Variants in SMG9 observed in about 807,000 individuals in gnomAD.
SMG9 encodes nonsense-mediated mRNA decay factor SMG9.
A neutral mutation model predicts 64.0 loss-of-function variants in SMG9; 55 were observed. That is an observed-to-expected ratio of 0.86 (90% CI 0.69 to 1.08). The LOEUF is 1.08. Among genes scored for constraint, SMG9 ranks in the 50% least tolerant of loss-of-function variants. The probability of loss-of-function intolerance (pLI) is 0.00; values close to 1 mark genes in which losing one functional copy is unlikely to be tolerated. For missense variants in SMG9, 554 were observed against 681.3 expected (o/e 0.81, Z 2.08); for synonymous variants, 244 against 254.8 (o/e 0.96, Z 0.41).
chr19:43,753,458 CTTTTTT>C (rs745479932), intron 1 of SMG9, among the ~76,000 whole-genome samples: 2 of 118,622 alleles, frequency 1.7e-5, no homozygotes, highest in Non-Finnish European at 3.6e-5. Flanking sequence ...GAATGCTTTT[CTTTTTT>C]TTTTTTTTTT....
At position 43,731,238 on chromosome 19, in the gene SMG9, T is replaced by C. The variant is rs1452656847; in HGVS notation, c.*358A>G. On this transcript the variant is annotated 3_prime_UTR_variant, in exon 14 of 14. Transcript: ENST00000270066. ...CTGCCTCACCTTACAGGGAAGGGCT[T>C]AGAGTCAGGGAAGAGGGGCCTGTTG... 2 of 1,080,618 alleles carry C rather than the reference T, an allele frequency of 1.9e-6. No homozygotes were observed. Among genetic ancestry groups the C allele is most frequent in the African/African-American group, 1.7e-5 (1 of 60,182 alleles). The allele number at this position is 1,080,618 out of a possible 1,614,324, so 66.9% of individuals were successfully genotyped here.
At chr19:43,732,734 G>T in intron 13 of SMG9, 124 bp downstream of exon 13, 1 of 1,221,570 alleles carries the variant, frequency 8.2e-7, no homozygotes, top group Non-Finnish European at 1.2e-6. Flanking sequence ...CACTGTTCCA[G>T]AAAAGGAACC....
Position 43,744,863 on chromosome 19 carries a change from C to A in SMG9, c.610G>T (p.Val204Leu), listed in dbSNP as rs745512121. The A allele has an allele frequency of 2.5e-6, 4 of 1,613,872 alleles. No individual in the cohort carries two copies. The South Asian group carries it at 4.4e-5, about 18-fold the overall frequency. ...AIEYLLDQTD[V>L]LVVGVLGLQG... ...AGGCCCAGGACACCAACCACCAACA[C>A]ATCAGTCTGATCCAACAGGTACTGT... Residue 204 changes from valine to leucine, a missense_variant, in exon 6 of 14, where the codon GTG becomes TTG. Coordinates refer to ENST00000270066, the MANE Select transcript of SMG9 (RefSeq NM_019108.4).
At position 43,748,006 on chromosome 19, in the gene SMG9, A is replaced by G; in HGVS notation, c.197T>C (p.Ile66Thr). 6.2e-7 allele frequency: 1 copy of G among 1,613,732 alleles called. No homozygotes were observed. Among genetic ancestry groups the G allele is most frequent in the Non-Finnish European group, 8.5e-7 (1 of 1,179,834 alleles). Reference sequence around the variant, plus strand: ...CTCTGCTGGAGGTTTTGAGAGGATGATGGGGGTTTTCTGCATGACGGAAGT... The same window carrying G: ...CTCTGCTGGAGGTTTTGAGAGGATGGTGGGGGTTTTCTGCATGACGGAAGT... ...TSTSVMQKTP[I>T]ILSKPPAERS... The change falls in exon 3 of 14, where the codon ATC (isoleucine) becomes ACC (threonine). Residue 66 changes from isoleucine (I) to threonine (T), a missense_variant. Ile to Thr is a moderately conservative substitution (Grantham distance 89). Coordinates refer to ENST00000270066, the MANE Select transcript of SMG9 (RefSeq NM_019108.4).
intron 10 of SMG9, 28 bp from the exon 11 acceptor site, chr19:43,733,761 C>G (rs1235708782): frequency 6.3e-7 from 1 of 1,586,250 alleles, no homozygotes; most frequent in Admixed American, 1.7e-5. Context: ...CGGGCCCTGT[C>G]AGGCAGACAT....
chr19:43,748,447 T>A (rs922238580), intron 2 of SMG9, among the ~76,000 whole-genome samples: 7 of 152,240 alleles, frequency 4.6e-5, no homozygotes, highest in Non-Finnish European at 1.0e-4. Context: ...TGCCTCATTT[T>A]CCCATCTGTG....
intron 1 of SMG9, among the ~76,000 whole-genome samples, chr19:43,752,759 A>G (rs1057364060): frequency 6.6e-6 from 1 of 151,934 alleles, no homozygotes; most frequent in Non-Finnish European, 1.5e-5. Context: ...AGAAAAAAGT[A>G]GCTGGGCGTG....
In SMG9 at chr19:43,731,624, A is replaced by G. The variant is rs762776031; in HGVS notation, c.1535T>C (p.Leu512Pro). Residue 512 changes from leucine to proline, a missense_variant, in exon 14 of 14, where the codon CTG (leucine) becomes CCG (proline). By Grantham distance (98) the Leu-to-Pro change is moderately conservative. Transcript: ENST00000270066. ...GGCCAGCAGGCGGCTGTACTCTGCCAGAGCAGAGGACTTTCTCACCCCATC... is the reference window on the plus strand; with the variant it reads ...GGCCAGCAGGCGGCTGTACTCTGCCGGAGCAGAGGACTTTCTCACCCCATC... ...IWDGVRKSSALAEYSRLLA is the reference protein window; with the variant it reads ...IWDGVRKSSAPAEYSRLLA 6.2e-7 allele frequency: 1 copy of G among 1,614,254 alleles called. No individual in the cohort carries two copies. Among genetic ancestry groups the G allele is most frequent in the African/African-American group, 1.3e-5 (1 of 75,064 alleles).
intron 9 of SMG9, among the ~76,000 whole-genome samples, chr19:43,736,864 T>C (rs148029366): frequency 4.1e-4 from 63 of 152,270 alleles, no homozygotes; most frequent in African/African-American, 1.4e-3. Flanking sequence ...TTGACTCGAA[T>C]GGCACGAGGG....
At chr19:43,745,374 T>TA (rs2146393384) in intron 5 of SMG9, among the ~76,000 whole-genome samples, 1 of 152,180 alleles carries the variant, frequency 6.6e-6, no homozygotes, top group African/African-American at 2.4e-5. Context: ...TGTTTTTTTT[T>TA]ACATTCATAT....
rs1968467814 is a variant in SMG9 at position 43,731,111 on chromosome 19, G to A, written c.*485C>T. The A allele has an allele frequency of 3.7e-5, 37 of 986,720 alleles. No individual in the cohort carries two copies. Among genetic ancestry groups the A allele is most frequent in the Non-Finnish European group, 4.5e-5 (37 of 830,844 alleles). 61.1% of individuals were successfully genotyped at this position (986,720 alleles called of 1,614,324 possible). A position where few individuals can be genotyped will look rare whatever the true frequency, so the allele number is the denominator to read the frequency against. ...TGTCCAATTTGTCCTGCTTCCCAGA[G>A]CTGCATGGTGGGTAGAGGAGTAAGT... On this transcript the variant is annotated 3_prime_UTR_variant, in exon 14 of 14. Coordinates refer to ENST00000270066, the MANE Select transcript of SMG9 (RefSeq NM_019108.4).
chr19:43,731,612 C>T lies in SMG9; in HGVS notation c.1547G>A (p.Ser516Asn). 6.2e-7 allele frequency: 1 copy of T among 1,614,250 alleles called. No individual in the cohort carries two copies. The highest frequency in any genetic ancestry group is 8.5e-7 in the Non-Finnish European group (1 of 1,180,046). Residue 516 changes from serine (S) to asparagine (N), a missense_variant, in exon 14 of 14, where the codon AGC becomes AAC. By Grantham distance (46) the Ser-to-Asn change is conservative (BLOSUM62 1). Coordinates refer to ENST00000270066, the MANE Select transcript of SMG9 (RefSeq NM_019108.4). ...TCCTTGGCCTCAGGCCAGCAGGCGGCTGTACTCTGCCAGAGCAGAGGACTT... is the reference window on the plus strand; with the variant it reads ...TCCTTGGCCTCAGGCCAGCAGGCGGTTGTACTCTGCCAGAGCAGAGGACTT... ...VRKSSALAEY[S>N]RLLA is the part of the protein sequence containing the mutation.
At chr19:43,737,783 G>C (rs1968720505) in intron 8 of SMG9, 101 bp from the exon 9 acceptor site, 1 of 1,152,938 alleles carries the variant, frequency 8.7e-7, no homozygotes. Flanking sequence ...GCAAGGCAAG[G>C]AGCCTTCAAG....
intron 7 of SMG9, chr19:43,739,659 G>C (rs1253389541): frequency 5.8e-6 from 1 of 173,338 alleles, no homozygotes; most frequent in Non-Finnish European, 1.2e-5. Context: ...ACAGTGACGA[G>C]CCTGAGCACT....
At position 43,747,775 on chromosome 19, in the gene SMG9, G is replaced by A. The variant is rs777562329; in HGVS notation, c.348C>T (p.Ala116=). Residue 116 remains alanine (A), a synonymous_variant, in exon 4 of 14, where the codon GCC becomes GCT. Coordinates refer to ENST00000270066, the MANE Select transcript of SMG9 (RefSeq NM_019108.4). ...GTGGGGCGGTGCCCTCAGGGGTAGAGGCACCTGTCACGGCCACAGGCCCCT... is the reference window on the plus strand; with the variant it reads ...GTGGGGCGGTGCCCTCAGGGGTAGAAGCACCTGTCACGGCCACAGGCCCCT... ...EGKGPVAVTG[A]STPEGTAPPP... 5 of 1,608,454 alleles carry A rather than the reference G, an allele frequency of 3.1e-6. No individual in the cohort carries two copies. The highest frequency in any genetic ancestry group is 4.2e-6 in the Non-Finnish European group (5 of 1,177,690).
intron 6 of SMG9, among the ~76,000 whole-genome samples, chr19:43,744,161 T>C (rs1968928923): frequency 6.6e-6 from 1 of 152,154 alleles, no homozygotes; most frequent in African/African-American, 2.4e-5. Context: ...CTCAAGAATG[T>C]TGTTCAGGCC....
intron 9 of SMG9, chr19:43,734,704 T>C (rs1968601749): frequency 2.3e-6 from 1 of 443,302 alleles, no homozygotes; most frequent in Non-Finnish European, 4.0e-6. Context: ...TATAAATTCT[T>C]TGAGTTTACT....
chr19:43,754,937 T>G lies in SMG9; in HGVS notation c.-290A>C, dbSNP rs1230854479. On this transcript the variant is annotated 5_prime_UTR_variant, in exon 1 of 14. Coordinates refer to ENST00000270066, the MANE Select transcript of SMG9 (RefSeq NM_019108.4). ...CAGGCGACTCGTCCTGCGCATGCGCTGAGGGCTGGAGCTCGAGAACTGAAT... is the reference window on the plus strand; with the variant it reads ...CAGGCGACTCGTCCTGCGCATGCGCGGAGGGCTGGAGCTCGAGAACTGAAT... 1 of 152,244 alleles carries G rather than the reference T, an allele frequency of 6.6e-6. No individual in the cohort carries two copies. Among genetic ancestry groups the G allele is most frequent in the Non-Finnish European group, 1.5e-5 (1 of 68,080 alleles). 9.4% of individuals were successfully genotyped at this position (152,244 alleles called of 1,614,324 possible).
chr19:43,733,504 G>T, intron 11 of SMG9, 52 bp from the exon 12 acceptor site: 1 of 1,612,322 alleles, frequency 6.2e-7, no homozygotes, highest in Middle Eastern at 1.7e-4. Context: ...GGTTTGGGGA[G>T]TGGGAATTGT....
Sources: allele counts gnomAD v4.1 joint callset (sites outside exome capture counted in the v4.1 genomes callset), GRCh38; gene constraint gnomAD v4.1.1; transcripts MANE v1.5; gene names NCBI Gene and HGNC (gene_info 2026-07-23, HGNC 2026-07-21).